Variants in ADAMTS20 observed in about 807,000 individuals in gnomAD.
The protein encoded by ADAMTS20 is ADAM metallopeptidase with thrombospondin type 1 motif 20.
In ADAMTS20, 225 loss-of-function variants were observed where a neutral mutation model predicts 260.1. The observed-to-expected ratio is 0.87, with a 90% confidence interval of 0.78 to 0.97. The LOEUF is 0.97. Among genes scored for constraint, ADAMTS20 ranks in the 50% least tolerant of loss-of-function variants. ADAMTS20 has a pLI of 0.00. For synonymous variants in ADAMTS20, 802 were observed against 769.5 expected, an observed-to-expected ratio of 1.04 and a Z score of -0.70; for missense variants, 2,400 against 2,337.7, an observed-to-expected ratio of 1.03 and a Z score of -0.55.
intron 18 of ADAMTS20, among the ~76,000 whole-genome samples, chr12:43,437,626 G>T (rs1016797144): frequency 1.3e-5 from 2 of 152,088 alleles, no homozygotes; most frequent in African/African-American, 4.8e-5. Context: ...ACTATTGATC[G>T]AGCATGAGAA....
Position 43,470,534 on chromosome 12 carries a change from C to G in ADAMTS20, c.1118-1829G>C, listed in dbSNP as rs913851546. Among the ~76,000 whole-genome samples the G allele has an allele frequency of 1.5e-4, 23 of 152,226 alleles. No homozygotes were observed. In the East Asian group the frequency reaches 1.7e-3, roughly 12 times the overall value. ...CATGCCGCTGGTTGATGGTTTGTGT[C>G]TAGACTCATTCAAGCTAATTCTGGG... is the stretch of plus-strand genomic sequence containing the variant. On this transcript the variant is annotated intron_variant, in intron 7 of 38. Transcript: ENST00000389420.
chr12:43,500,067 C>T (rs944855570), intron 4 of ADAMTS20, among the ~76,000 whole-genome samples: 2 of 150,796 alleles, frequency 1.3e-5, no homozygotes, highest in Admixed American at 6.6e-5. Context: ...CTCAGTCTGT[C>T]GGCCAGACTG....
At chr12:43,545,707 A>T (rs1943433348) in intron 2 of ADAMTS20, among the ~76,000 whole-genome samples, 1 of 152,164 alleles carries the variant, frequency 6.6e-6, no homozygotes, top group African/African-American at 2.4e-5. Context: ...TGGCTCAAGG[A>T]CAGCTTTGCT....
intron 36 of ADAMTS20, among the ~76,000 whole-genome samples, chr12:43,372,573 A>G (rs182394835): frequency 6.6e-6 from 1 of 152,360 alleles, no homozygotes; most frequent in Admixed American, 6.5e-5. Flanking sequence ...GGAAAGGTAG[A>G]GGTCAAGATG....
rs189854950 is a variant in ADAMTS20 at position 43,527,661 on chromosome 12, C to A, written c.613+4375G>T. 3.0e-3 allele frequency among the ~76,000 whole-genome samples: 454 copies of A among 152,106 alleles called. 2 individuals carry two copies. Among genetic ancestry groups the A allele is most frequent in the African/African-American group, 0.01 (424 of 41,514 alleles). ...ATCTCTTTATGCTAAAATCCCTCAACAAACTAGGCATAGAAGGAACATACC... is the reference window on the plus strand; with the variant it reads ...ATCTCTTTATGCTAAAATCCCTCAAAAAACTAGGCATAGAAGGAACATACC... On this transcript the variant is annotated intron_variant, in intron 3 of 38. Transcript: ENST00000389420.
intron 3 of ADAMTS20, among the ~76,000 whole-genome samples, chr12:43,531,744 T>C (rs1189883697): frequency 6.6e-6 from 1 of 152,076 alleles, no homozygotes; most frequent in African/African-American, 2.4e-5. Flanking sequence ...ATGCAGTGTA[T>C]TCTTGAAAAC....
chr12:43,393,625 GTCT>G (rs56670946), intron 29 of ADAMTS20, among the ~76,000 whole-genome samples: 1,837 of 152,090 alleles, frequency 0.012, 41 homozygotes, highest in African/African-American at 0.039. Flanking sequence ...AAATAGGGAA[GTCT>G]TCTCTTTTGA....
In ADAMTS20 at chr12:43,431,379, A is replaced by G. The variant is rs759771974; in HGVS notation, c.3214T>C (p.Cys1072Arg). 5 of 1,613,976 alleles carry G rather than the reference A, an allele frequency of 3.1e-6. No individual in the cohort carries two copies. Among genetic ancestry groups the G allele is most frequent in the Non-Finnish European group, 4.2e-6 (5 of 1,179,868 alleles). Reference sequence around the variant, plus strand: ...CAGGAAGCACATGTATGAAGTTCACATGGACTCAGAGATTCAGGTTTGGTA... The same window carrying G: ...CAGGAAGCACATGTATGAAGTTCACGTGGACTCAGAGATTCAGGTTTGGTA... The part of the protein sequence containing the change: ...SSTKPESLSP[C>R]ELHTCASWQV... Residue 1072 changes from cysteine to arginine, a missense_variant, in exon 22 of 39, where the codon TGT (cysteine) becomes CGT (arginine). Transcript: ENST00000389420.
intron 14 of ADAMTS20, 78 bp downstream of exon 14, chr12:43,452,196 T>C: frequency 7.1e-7 from 1 of 1,403,092 alleles, no homozygotes; most frequent in Non-Finnish European, 9.6e-7. Context: ...GTAAAAGTAA[T>C]ATTTGGTTAT....
intron 2 of ADAMTS20, among the ~76,000 whole-genome samples, chr12:43,540,476 C>T (rs117745302): frequency 3.0e-3 from 463 of 152,254 alleles, no homozygotes; most frequent in Non-Finnish European, 5.8e-3. Flanking sequence ...TAATGGAAGA[C>T]TTAGAAGTAT....
chr12:43,455,711 CTTTT>C (rs35614063), intron 11 of ADAMTS20, among the ~76,000 whole-genome samples: 1 of 143,426 alleles, frequency 7.0e-6, no homozygotes, highest in Non-Finnish European at 1.5e-5. Flanking sequence ...TTGCTTTCAT[CTTTT>C]TTTTTTTTTT....
chr12:43,465,634 G>T (rs2137380269), intron 9 of ADAMTS20, among the ~76,000 whole-genome samples: 1 of 152,002 alleles, frequency 6.6e-6, no homozygotes, highest in African/African-American at 2.4e-5. Context: ...GAACATGTAA[G>T]CTTAAAAATT....
intron 28 of ADAMTS20, among the ~76,000 whole-genome samples, chr12:43,408,817 C>T (rs1940968003): frequency 6.6e-6 from 1 of 152,122 alleles, no homozygotes; most frequent in South Asian, 2.1e-4. Context: ...ATCATTTTCA[C>T]TAGTGGAGAG....
chr12:43,376,363 A>G (rs1207273633), intron 33 of ADAMTS20, 33 bp from the exon 34 acceptor site: 1 of 1,495,062 alleles, frequency 6.7e-7, no homozygotes, highest in African/African-American at 1.4e-5. Context: ...CTTAACACAG[A>G]GCAAATTACA....
chr12:43,358,793 C>T lies in ADAMTS20; in HGVS notation c.5539-2205G>A, dbSNP rs942389752. On this transcript the variant is annotated intron_variant, in intron 37 of 38. Transcript: ENST00000389420. ...CGGAGCTTGCAGTGAGTCGAGATCG[C>T]GCCACTGCACTCCAGCCTGGGCGAC... 1.5e-4 allele frequency among the ~76,000 whole-genome samples: 21 copies of T among 143,614 alleles called. No homozygotes were observed. In the East Asian group the frequency reaches 1.8e-3, roughly 12 times the overall value. The allele number at this position is 143,614 out of a possible 152,430, so 94.2% of individuals were successfully genotyped here.
chr12:43,508,621 A>T (rs1311751851), intron 3 of ADAMTS20, among the ~76,000 whole-genome samples: 1 of 152,150 alleles, frequency 6.6e-6, no homozygotes, highest in Admixed American at 6.5e-5. Flanking sequence ...TTATTAAAAA[A>T]TATTTTGTAG....
chr12:43,360,393 G>C (rs1426426556), intron 37 of ADAMTS20, among the ~76,000 whole-genome samples: 1 of 152,170 alleles, frequency 6.6e-6, no homozygotes, highest in Non-Finnish European at 1.5e-5. Flanking sequence ...AGGTTGCAGT[G>C]AGCTGAGATT....
At position 43,455,943 on chromosome 12, in the gene ADAMTS20, A is replaced by T. The variant is rs1277924213; in HGVS notation, c.1615-1891T>A. On this transcript the variant is annotated intron_variant, in intron 11 of 38. Transcript: ENST00000389420. ...AGGATGGTCTCAAACTCCTGCTTTC[A>T]CCTTTAGATATTGTGAAAAATGCTG... Among the ~76,000 whole-genome samples, 62 of 152,134 alleles carry T rather than the reference A, an allele frequency of 4.1e-4. 1 individual carries two copies. Among genetic ancestry groups the T allele is most frequent in the Non-Finnish European group, 1.2e-4 (8 of 68,016 alleles).
intron 28 of ADAMTS20, among the ~76,000 whole-genome samples, chr12:43,418,942 A>C (rs895449390): frequency 1.3e-5 from 2 of 152,152 alleles, no homozygotes; most frequent in Admixed American, 6.5e-5. Flanking sequence ...GTATTTTGTG[A>C]GGTATATTTT....
Sources: gnomAD v4.1 joint callset for allele counts (sites outside exome capture counted in the v4.1 genomes callset) on GRCh38, gnomAD v4.1.1 for gene constraint, MANE v1.5 for transcripts, NCBI Gene and HGNC (gene_info 2026-07-23, HGNC 2026-07-21) for gene names.